The following GPBP1 variants were observed in gnomAD, a reference collection of about 807,000 sequenced individuals.
The protein encoded by GPBP1 is vasculin.
Under a neutral mutation model 56.5 loss-of-function variants are expected in GPBP1, and 13 were observed. The observed-to-expected ratio is 0.23, with a 90% CI of 0.15 to 0.37. The LOEUF (loss-of-function observed/expected upper bound fraction) is 0.37, where lower values mean the gene tolerates loss of function less well. GPBP1 is among the 10% of genes least tolerant of loss of function. The pLI is 1.00. For synonymous variants in GPBP1, 204 were observed against 188.9 expected (o/e 1.08, Z -0.66); for missense variants, 477 against 572.3 (o/e 0.83, Z 1.70).
chr5:57,229,941 G>C (rs62355734), intron 3 of GPBP1, among the ~76,000 whole-genome samples: 2 of 146,182 alleles, frequency 1.4e-5, no homozygotes, highest in Non-Finnish European at 1.5e-5. Flanking sequence ...GCATCGCATC[G>C]CGTCCCGTCC....
rs1030546649 is a variant in GPBP1 at position 57,261,175 on chromosome 5, T to C, written c.1161-5T>C. 1.3e-6 allele frequency: 2 copies of C among 1,589,174 alleles called. No individual in the cohort carries two copies. Among genetic ancestry groups the C allele is most frequent in the Non-Finnish European group, 1.7e-6 (2 of 1,157,602 alleles). On this transcript the variant is annotated splice_polypyrimidine_tract_variant and splice_region_variant and intron_variant, in intron 10 of 11. Coordinates refer to ENST00000506184, the MANE Select transcript of GPBP1 (RefSeq NM_022913.4). ...ACATTAAACTTAATTTCCTCTCCTT[T>C]TCAGATTGTTAAAGGAAATGGGCTG...
At chr5:57,207,368 T>G (rs1384684918) in intron 2 of GPBP1, among the ~76,000 whole-genome samples, 1 of 152,216 alleles carries the variant, frequency 6.6e-6, no homozygotes, top group Admixed American at 6.5e-5. Context: ...AAAGGTTCTC[T>G]TATCCCCTTT....
rs1162663913 is a variant in GPBP1, at chr5:57,262,874, T to G, written c.*122T>G. 24 of 811,356 alleles carry G rather than the reference T, an allele frequency of 3.0e-5. No individual in the cohort carries two copies. Among genetic ancestry groups the G allele is most frequent in the East Asian group, 1.3e-4 (5 of 37,486 alleles). The allele number at this position is 811,356 out of a possible 1,614,324, so 50.3% of individuals were successfully genotyped here. A position where few individuals can be genotyped will look rare whatever the true frequency, so the allele number is the denominator to read the frequency against. ...AATACCCCATTAGAAGAGGATTTTTTGGGGGACTTCAATATGAAGAAAACC... is the reference window on the plus strand; with the variant it reads ...AATACCCCATTAGAAGAGGATTTTTGGGGGGACTTCAATATGAAGAAAACC... On this transcript the variant is annotated 3_prime_UTR_variant, in exon 12 of 12. Transcript: ENST00000506184.
In GPBP1 at chr5:57,190,171, A is replaced by AG. The variant is rs33921423; in HGVS notation, c.-58+13779dup. ...AAATAATTTAGCCTTACTTTTTTTT[A>AG]GGGGGGGGATTGGGTGTATATGGTT... On this transcript the variant is annotated intron_variant, in intron 2 of 11. Transcript: ENST00000506184. Among the ~76,000 whole-genome samples the AG allele has an allele frequency of 1.8e-3, 271 of 148,456 alleles. 2 individuals are homozygous for AG. Among genetic ancestry groups the AG allele is most frequent in the African/African-American group, 6.3e-3 (258 of 41,180 alleles).
intron 2 of GPBP1, among the ~76,000 whole-genome samples, chr5:57,213,164 C>T (rs1413191183): frequency 6.6e-6 from 1 of 151,906 alleles, no homozygotes; most frequent in African/African-American, 2.4e-5. Context: ...AGTGATTTTC[C>T]CGCCTCAGCC....
intron 10 of GPBP1, among the ~76,000 whole-genome samples, chr5:57,259,486 A>G (rs1033115228): frequency 6.6e-6 from 1 of 152,238 alleles, no homozygotes; most frequent in Admixed American, 6.5e-5. Flanking sequence ...ACATAACTCC[A>G]TCAAGTTCAA....
chr5:57,203,797 A>T (rs1350560087), intron 2 of GPBP1, among the ~76,000 whole-genome samples: 1 of 152,236 alleles, frequency 6.6e-6, no homozygotes, highest in Non-Finnish European at 1.5e-5. Flanking sequence ...TTAAAAATTT[A>T]TGAATGCAGT....
intron 3 of GPBP1, among the ~76,000 whole-genome samples, chr5:57,229,262 A>AAAAAAAAAAAAG (rs1429725822): frequency 7.4e-6 from 1 of 135,812 alleles, no homozygotes; most frequent in Admixed American, 7.9e-5. Flanking sequence ...AAAAAAAAAA[A>AAAAAAAAAAAAG]AAAAAGGAGT....
intron 3 of GPBP1, among the ~76,000 whole-genome samples, chr5:57,228,192 T>C (rs1756279018): frequency 6.6e-6 from 1 of 152,184 alleles, no homozygotes; most frequent in Non-Finnish European, 1.5e-5. Flanking sequence ...CGTGGTGGCT[T>C]ACACGTGTAA....
intron 10 of GPBP1, among the ~76,000 whole-genome samples, chr5:57,251,345 G>A (rs1561375044): frequency 6.6e-6 from 1 of 152,084 alleles, no homozygotes; most frequent in Non-Finnish European, 1.5e-5. Context: ...TCTGTCCTAG[G>A]CAGCTACTAT....
rs576936402 is a variant in GPBP1, at chr5:57,217,858, A to G, written c.63+3665A>G. Among the ~76,000 whole-genome samples the G allele has an allele frequency of 2.4e-4, 37 of 152,320 alleles. No homozygotes were observed. The East Asian group carries it at 6.4e-3, about 26-fold the overall frequency. ...CATGGTGAAACCCTGCCTCTCTACA[A>G]AAGTAAATTAAATAAATGAAAATTT... is the stretch of plus-strand genomic sequence containing the variant. On this transcript the variant is annotated intron_variant, in intron 3 of 11. Transcript: ENST00000506184.
In GPBP1 at chr5:57,234,981, A is replaced by G. The variant is rs564591207; in HGVS notation, c.412-985A>G. Among the ~76,000 whole-genome samples the G allele has an allele frequency of 2.1e-4, 32 of 152,270 alleles. No homozygotes were observed. In the South Asian group the frequency reaches 6.4e-3, roughly 31 times the overall value. ...TGATCTACAGAGCTATGAGATAATA[A>G]ACATGTGTTGCTATAATGAAAAAAA... On this transcript the variant is annotated intron_variant, in intron 5 of 11. Transcript: ENST00000506184.
rs139223878 is a variant in GPBP1 at position 57,197,608 on chromosome 5, G to A, written c.-57-16466G>A. ...TCCTGACCTCAGGTGATCCACCCAC[G>A]TCAGCCTCTCAAAGTGCTGGGATTA... On this transcript the variant is annotated intron_variant, in intron 2 of 11. Transcript: ENST00000506184. Among the ~76,000 whole-genome samples the A allele has an allele frequency of 4.1e-3, 621 of 152,084 alleles. 5 individuals carry two copies. The highest frequency in any genetic ancestry group is 0.014 in the African/African-American group (585 of 41,490).
At chr5:57,231,653 ATATT>A (rs1408376350) in intron 5 of GPBP1, among the ~76,000 whole-genome samples, 5 of 152,358 alleles carry the variant, frequency 3.3e-5, no homozygotes, top group Non-Finnish European at 5.9e-5. Flanking sequence ...GTGTACAGTC[ATATT>A]TATCTAGTTC....
intron 2 of GPBP1, among the ~76,000 whole-genome samples, chr5:57,182,927 C>G (rs1420053429): frequency 1.3e-5 from 2 of 152,352 alleles, no homozygotes; most frequent in Middle Eastern, 3.4e-3. Context: ...AAGTGTTCCT[C>G]CTGCCTTGGC....
At chr5:57,196,233 C>G (rs1200734166) in intron 2 of GPBP1, among the ~76,000 whole-genome samples, 1 of 152,060 alleles carries the variant, frequency 6.6e-6, no homozygotes, top group Non-Finnish European at 1.5e-5. Flanking sequence ...AAGTCCTGGC[C>G]TCAAGTGATC....
chr5:57,257,148 C>T (rs1470080867), intron 10 of GPBP1, among the ~76,000 whole-genome samples: 3 of 151,876 alleles, frequency 2.0e-5, no homozygotes, highest in Non-Finnish European at 4.4e-5. Context: ...ATTCTCCTGC[C>T]TCGGCCTCCC....
At chr5:57,196,645 T>TA (rs1309046656) in intron 2 of GPBP1, among the ~76,000 whole-genome samples, 1 of 152,004 alleles carries the variant, frequency 6.6e-6, no homozygotes, top group Non-Finnish European at 1.5e-5. Context: ...GCTGGAGTGA[T>TA]AAAGTGGAAC....
intron 9 of GPBP1, among the ~76,000 whole-genome samples, 176 bp downstream of exon 9, chr5:57,249,752 CT>C (rs1741271905): frequency 8.2e-6 from 1 of 121,414 alleles, no homozygotes; most frequent in Non-Finnish European, 1.8e-5. Flanking sequence ...CGCCTCCCCC[CT>C]TCCCCCTCCC....
Sources: allele counts gnomAD v4.1 joint callset (sites outside exome capture counted in the v4.1 genomes callset), GRCh38; gene constraint gnomAD v4.1.1; transcripts MANE v1.5; gene names NCBI Gene and HGNC (gene_info 2026-07-23, HGNC 2026-07-21).